Variants in CMPK1 observed in about 807,000 individuals in gnomAD.
CMPK1 encodes the protein UMP-CMP kinase.
In CMPK1, 10 loss-of-function variants were observed where a neutral mutation model predicts 25.7. That is an observed-to-expected ratio of 0.39 (90% confidence interval 0.24 to 0.66). CMPK1 has a LOEUF of 0.66. Among genes scored for constraint, CMPK1 ranks in the 30% least tolerant of loss-of-function variants. The pLI is 0.48. For missense variants in CMPK1, 199 were observed against 280.5 expected, an observed-to-expected ratio of 0.71 and a Z score of 2.08; for synonymous variants, 106 against 101.5, an observed-to-expected ratio of 1.04 and a Z score of -0.27.
chr1:47,354,718 G>A (rs142104228), intron 1 of CMPK1, among the ~76,000 whole-genome samples: 2,979 of 149,692 alleles, frequency 0.02, 42 homozygotes, highest in Middle Eastern at 0.034. Context: ...CTATATTGGT[G>A]GAAGTTTAGA....
chr1:47,339,828 C>T (rs1279862660), intron 1 of CMPK1, among the ~76,000 whole-genome samples: 1 of 151,570 alleles, frequency 6.6e-6, no homozygotes, highest in African/African-American at 2.4e-5. Context: ...CTCCCTCAGC[C>T]TCCTGAGTAG....
At chr1:47,368,351 C>A in intron 1 of CMPK1, 118 bp from the exon 2 acceptor site, 4 of 809,308 alleles carry the variant, frequency 4.9e-6, no homozygotes, top group South Asian at 3.3e-5. Context: ...AATATACAAG[C>A]AAAACTTCTT....
At chr1:47,354,677 A>C (rs1372771369) in intron 1 of CMPK1, among the ~76,000 whole-genome samples, 2 of 140,212 alleles carry the variant, frequency 1.4e-5, no homozygotes, top group Non-Finnish European at 3.0e-5. Context: ...GTTCTACTTC[A>C]TAATATGCAC....
rs756752372 is a variant in CMPK1, at chr1:47,333,898, C to A, written c.-48C>A. The A allele has an allele frequency of 6.6e-6, 8 of 1,205,656 alleles. No homozygotes were observed. The African/African-American group carries it at 9.6e-5, about 15-fold the overall frequency. The allele number at this position is 1,205,656 out of a possible 1,614,324, so 74.7% of individuals were successfully genotyped here. On this transcript the variant is annotated 5_prime_UTR_variant, in exon 1 of 6. Transcript: ENST00000371873. ...GCCGCCTCCCCGCCCCGCCCCGCGC[C>A]GCGCCGGCCGCTGTCAGCTCCCTCA... is the stretch of plus-strand genomic sequence containing the variant.
chr1:47,374,610 A>G (rs1363091193), intron 3 of CMPK1, among the ~76,000 whole-genome samples: 1 of 152,216 alleles, frequency 6.6e-6, no homozygotes, highest in African/African-American at 2.4e-5. Flanking sequence ...AGTTAATAAT[A>G]TATCTGAGAT....
chr1:47,339,455 G>T (rs113047830), intron 1 of CMPK1, among the ~76,000 whole-genome samples: 6 of 152,218 alleles, frequency 3.9e-5, no homozygotes, highest in African/African-American at 1.4e-4. Flanking sequence ...TCAGAAACTT[G>T]ATTTCATTTA....
intron 1 of CMPK1, among the ~76,000 whole-genome samples, chr1:47,356,230 G>A (rs1646559857): frequency 6.6e-6 from 1 of 152,060 alleles, no homozygotes; most frequent in Non-Finnish European, 1.5e-5. Flanking sequence ...TTCCCAGATG[G>A]ATAGCCAGTT....
intron 1 of CMPK1, among the ~76,000 whole-genome samples, chr1:47,348,688 A>C (rs1466843568): frequency 6.6e-6 from 1 of 152,204 alleles, no homozygotes; most frequent in East Asian, 1.9e-4. Flanking sequence ...AAGCAATTGA[A>C]TATGCCTAAT....
intron 1 of CMPK1, among the ~76,000 whole-genome samples, chr1:47,361,448 A>G (rs1294543307): frequency 6.6e-6 from 1 of 152,194 alleles, no homozygotes; most frequent in Non-Finnish European, 1.5e-5. Flanking sequence ...AAGGCGAACT[A>G]TAGGACACAA....
At chr1:47,339,551 G>T (rs1034366659) in intron 1 of CMPK1, among the ~76,000 whole-genome samples, 1 of 151,890 alleles carries the variant, frequency 6.6e-6, no homozygotes, top group South Asian at 2.1e-4. Flanking sequence ...TGAATACGTT[G>T]GATTCATAGA....
At chr1:47,364,550 CTGGTG>C (rs1287858532) in intron 1 of CMPK1, among the ~76,000 whole-genome samples, 1 of 151,370 alleles carries the variant, frequency 6.6e-6, no homozygotes, top group East Asian at 1.9e-4. Context: ...ATCTCCTGAC[CTGGTG>C]ATCCACCCGC....
chr1:47,369,910 T>TCTC (rs35124142), intron 2 of CMPK1, among the ~76,000 whole-genome samples: 15 of 9,176 alleles, frequency 1.6e-3, no homozygotes, highest in South Asian at 0.016. Context: ...TTTCTCTCTC[T>TCTC]TTTTTTTTTT....
intron 1 of CMPK1, among the ~76,000 whole-genome samples, chr1:47,355,740 G>A (rs956198255): frequency 6.6e-6 from 1 of 151,922 alleles, no homozygotes; most frequent in African/African-American, 2.4e-5. Flanking sequence ...GCAAGTAGCT[G>A]GGACTACAGG....
chr1:47,343,484 GGC>G (rs1308193518), intron 1 of CMPK1, among the ~76,000 whole-genome samples: 4 of 147,104 alleles, frequency 2.7e-5, no homozygotes, highest in East Asian at 2.0e-4. Flanking sequence ...CTCCAGCCTG[GGC>G]AACAGAGTGA....
intron 1 of CMPK1, among the ~76,000 whole-genome samples, chr1:47,363,647 TAAAC>T (rs146652772): frequency 0.15 from 21,826 of 146,842 alleles, 2,048 homozygotes; most frequent in Non-Finnish European, 0.22. Flanking sequence ...CAAAAACAAA[TAAAC>T]AAACAAACAA....
chr1:47,351,939 C>G (rs767286529), intron 1 of CMPK1, among the ~76,000 whole-genome samples: 7 of 152,034 alleles, frequency 4.6e-5, no homozygotes, highest in African/African-American at 1.7e-4. Context: ...AGTTGATGAC[C>G]AGCCTGACCA....
chr1:47,334,220 C>T, intron 1 of CMPK1, 104 bp downstream of exon 1: 1 of 1,083,578 alleles, frequency 9.2e-7, no homozygotes, highest in Non-Finnish European at 1.2e-6. Context: ...GAGCCGCAGA[C>T]TACGAGTCCC....
At chr1:47,356,196 A>AATG (rs1646559717) in intron 1 of CMPK1, among the ~76,000 whole-genome samples, 1 of 152,124 alleles carries the variant, frequency 6.6e-6, no homozygotes, top group African/African-American at 2.4e-5. Flanking sequence ...GTTGTAGTGT[A>AATG]ATGCAGAGAT....
At chr1:47,368,640 T>C in intron 2 of CMPK1, 25 bp downstream of exon 2, 5 of 1,508,496 alleles carry the variant, frequency 3.3e-6, no homozygotes, top group Non-Finnish European at 4.4e-6. Flanking sequence ...TGCCAACCAG[T>C]TCAAACCAGC....
Sources: allele counts gnomAD v4.1 joint callset (sites outside exome capture counted in the v4.1 genomes callset), GRCh38; gene constraint gnomAD v4.1.1; transcripts MANE v1.5; gene names NCBI Gene and HGNC (gene_info 2026-07-23, HGNC 2026-07-21).